Variants in RFX3 observed in about 807,000 individuals in gnomAD.
RFX3 encodes regulatory factor X3.
RFX3 carries 14 observed loss-of-function variants against 98.6 expected under a neutral mutation model. The ratio of observed to expected loss-of-function variants is 0.14; its 90% CI spans 0.09 to 0.22. RFX3 has a LOEUF of 0.22. Ranked by LOEUF, RFX3 falls within the 10% of genes least tolerant of loss-of-function variation. The pLI is 1.00. For synonymous variants in RFX3, 383 were observed against 328.4 expected (o/e 1.17, Z -1.80); for missense variants, 639 against 926.9 (o/e 0.69, Z 4.03).
At chr9:3,463,807 A>C (rs1426231404) in intron 1 of RFX3, among the ~76,000 whole-genome samples, 1 of 151,986 alleles carries the variant, frequency 6.6e-6, no homozygotes, top group Non-Finnish European at 1.5e-5. Context: ...CCCAGTATCT[A>C]CAAAAAGTTA....
chr9:3,229,268 C>A (rs1251308659), intron 15 of RFX3, among the ~76,000 whole-genome samples: 1 of 152,164 alleles, frequency 6.6e-6, no homozygotes, highest in Non-Finnish European at 1.5e-5. Flanking sequence ...AGCTCCACCC[C>A]CTATACTTGG....
chr9:3,249,032 G>A (rs1434154071), intron 14 of RFX3, among the ~76,000 whole-genome samples: 5 of 151,960 alleles, frequency 3.3e-5, no homozygotes, highest in Admixed American at 2.0e-4. Flanking sequence ...AGAGTGATGT[G>A]TGTGTGTGAG....
At chr9:3,342,605 T>C (rs1419205107) in intron 3 of RFX3, among the ~76,000 whole-genome samples, 5 of 152,094 alleles carry the variant, frequency 3.3e-5, no homozygotes, top group Admixed American at 1.3e-4. Context: ...ACTAGCATGA[T>C]GTAGGAGCGA....
chr9:3,350,091 T>C (rs1349270931), intron 2 of RFX3, among the ~76,000 whole-genome samples: 1 of 152,052 alleles, frequency 6.6e-6, no homozygotes, highest in Non-Finnish European at 1.5e-5. Context: ...ACACCAAAGG[T>C]GTAATTCATG....
intron 2 of RFX3, among the ~76,000 whole-genome samples, chr9:3,368,645 C>T (rs1384660505): frequency 6.6e-6 from 1 of 152,144 alleles, no homozygotes; most frequent in Non-Finnish European, 1.5e-5. Flanking sequence ...ATATTATTGA[C>T]CTAATTACCA....
intron 12 of RFX3, among the ~76,000 whole-genome samples, chr9:3,263,610 G>C (rs1184327663): frequency 1.3e-5 from 2 of 152,136 alleles, no homozygotes; most frequent in Non-Finnish European, 2.9e-5. Flanking sequence ...ATAGAAACGA[G>C]TAATTTTGAG....
intron 13 of RFX3, 79 bp downstream of exon 13, chr9:3,262,856 G>C: frequency 2.8e-6 from 4 of 1,440,094 alleles, no homozygotes; most frequent in Non-Finnish European, 3.8e-6. Context: ...ACTTTGAAAA[G>C]AAATTTGATG....
chr9:3,230,758 C>G (rs781757387), intron 15 of RFX3, among the ~76,000 whole-genome samples: 7 of 152,108 alleles, frequency 4.6e-5, no homozygotes, highest in Non-Finnish European at 8.8e-5. Context: ...CTAAACACAC[C>G]TTTATACTGA....
intron 15 of RFX3, among the ~76,000 whole-genome samples, chr9:3,245,664 C>T (rs750106765): frequency 6.6e-6 from 1 of 152,220 alleles, no homozygotes; most frequent in South Asian, 2.1e-4. Flanking sequence ...TGAGAAAGAG[C>T]CATTAGTTGA....
chr9:3,288,784 T>C (rs1826965302), intron 6 of RFX3, among the ~76,000 whole-genome samples: 1 of 152,126 alleles, frequency 6.6e-6, no homozygotes, highest in African/African-American at 2.4e-5. Flanking sequence ...TTACAAAATG[T>C]TGTGGTAAAG....
intron 6 of RFX3, among the ~76,000 whole-genome samples, chr9:3,288,911 G>C (rs987640387): frequency 6.6e-6 from 1 of 152,004 alleles, no homozygotes; most frequent in Non-Finnish European, 1.5e-5. Flanking sequence ...GGCTAAACAG[G>C]ATTTGTCACA....
intron 6 of RFX3, among the ~76,000 whole-genome samples, chr9:3,291,091 G>A (rs2991294): frequency 0.016 from 2,410 of 152,320 alleles, 63 homozygotes; most frequent in African/African-American, 0.054. Context: ...TGGGCTGGGT[G>A]CGGTGGCTCA....
intron 1 of RFX3, among the ~76,000 whole-genome samples, chr9:3,420,090 T>G (rs1300397502): frequency 6.6e-6 from 1 of 152,216 alleles, no homozygotes; most frequent in East Asian, 1.9e-4. Flanking sequence ...CAGCACCACT[T>G]GTTCCTCAGA....
intron 4 of RFX3, among the ~76,000 whole-genome samples, chr9:3,305,566 GA>G (rs1478741835): frequency 2.0e-5 from 3 of 151,912 alleles, no homozygotes; most frequent in Non-Finnish European, 4.4e-5. Context: ...CAGAAATGGG[GA>G]AGAAGAGTAA....
At chr9:3,306,704 A>T (rs1259356225) in intron 4 of RFX3, among the ~76,000 whole-genome samples, 3 of 151,870 alleles carry the variant, frequency 2.0e-5, no homozygotes, top group African/African-American at 7.3e-5. Context: ...TACATATGTA[A>T]CAAACCTGCA....
At chr9:3,255,259 T>C (rs1161799131) in intron 14 of RFX3, among the ~76,000 whole-genome samples, 1 of 152,232 alleles carries the variant, frequency 6.6e-6, no homozygotes, top group Non-Finnish European at 1.5e-5. Flanking sequence ...GATTCCATCA[T>C]TATAACCAAA....
At chr9:3,272,538 T>C (rs1824635368) in intron 9 of RFX3, among the ~76,000 whole-genome samples, 1 of 152,122 alleles carries the variant, frequency 6.6e-6, no homozygotes, top group Non-Finnish European at 1.5e-5. Flanking sequence ...ACAATAAAAA[T>C]GCAAAATGCA....
At chr9:3,381,013 A>C (rs1164181886) in intron 2 of RFX3, among the ~76,000 whole-genome samples, 1 of 152,112 alleles carries the variant, frequency 6.6e-6, no homozygotes, top group African/African-American at 2.4e-5. Flanking sequence ...CTTTAAAATT[A>C]GATATTTTTA....
intron 3 of RFX3, among the ~76,000 whole-genome samples, chr9:3,343,398 T>G (rs1213605403): frequency 1.3e-5 from 2 of 152,298 alleles, no homozygotes; most frequent in Admixed American, 6.5e-5. Context: ...AAACACTAAC[T>G]TGCTGTTAAT....
Sources: allele counts gnomAD v4.1 joint callset (sites outside exome capture counted in the v4.1 genomes callset), GRCh38; gene constraint gnomAD v4.1.1; transcripts MANE v1.5; gene names NCBI Gene and HGNC (gene_info 2026-07-23, HGNC 2026-07-21).